COL4A4: variants seen among roughly 807,000 people sequenced by gnomAD.
COL4A4 encodes collagen alpha-4(IV) chain.
COL4A4 carries 105 observed loss-of-function variants against 192.9 expected under a neutral mutation model. That is an observed-to-expected ratio of 0.54 (90% CI 0.46 to 0.64). COL4A4 has a LOEUF of 0.64. Among genes scored for constraint, COL4A4 ranks in the 30% least tolerant of loss-of-function variants. COL4A4 has a pLI of 0.00. For synonymous variants in COL4A4, 762 were observed against 769.9 expected, an observed-to-expected ratio of 0.99 and a Z score of 0.17; for missense variants, 1,967 against 2,169.3, an observed-to-expected ratio of 0.91 and a Z score of 1.85.
chr2:227,049,225 C>G (rs1973528815), intron 34 of COL4A4, among the ~76,000 whole-genome samples: 1 of 152,184 alleles, frequency 6.6e-6, no homozygotes, highest in Non-Finnish European at 1.5e-5. Flanking sequence ...ATATCCTGCT[C>G]TTTGTTTGTT....
At chr2:227,056,657 G>A (rs1205212151) in intron 29 of COL4A4, among the ~76,000 whole-genome samples, 2 of 152,212 alleles carry the variant, frequency 1.3e-5, no homozygotes, top group Admixed American at 6.5e-5. Context: ...AATAGCCCCT[G>A]CTATGTTCTG....
At chr2:227,020,369 C>G (rs957452322) in intron 44 of COL4A4, among the ~76,000 whole-genome samples, 4 of 152,140 alleles carry the variant, frequency 2.6e-5, no homozygotes, top group Admixed American at 6.5e-5. Context: ...GCCCAATTCC[C>G]AGTTCTCACG....
At chr2:227,158,517 A>T (rs1462431099) in intron 1 of COL4A4, among the ~76,000 whole-genome samples, 1 of 152,132 alleles carries the variant, frequency 6.6e-6, no homozygotes. Flanking sequence ...TCTTAAAAAT[A>T]ATAAGAAAAT....
chr2:226,971,018 A>G, the COL4A4 span, among the ~76,000 whole-genome samples: 1 of 152,222 alleles, frequency 6.6e-6, no homozygotes, highest in African/African-American at 2.4e-5. Context: ...AGTTATAAAT[A>G]GTTGAGATGG....
chr2:227,098,026 A>G (rs889370934), intron 19 of COL4A4, among the ~76,000 whole-genome samples: 1 of 152,210 alleles, frequency 6.6e-6, no homozygotes, highest in African/African-American at 2.4e-5. Context: ...AAGGAGTTCA[A>G]AGTCCTTATG....
chr2:227,101,604 G>A, intron 16 of COL4A4, 47 bp from the exon 17 acceptor site: 7 of 1,526,940 alleles, frequency 4.6e-6, no homozygotes, highest in Non-Finnish European at 5.4e-6. Flanking sequence ...GTGACTGGGT[G>A]ACAAATTATC....
At chr2:227,125,530 A>G (rs927180067) in intron 4 of COL4A4, among the ~76,000 whole-genome samples, 2 of 146,978 alleles carry the variant, frequency 1.4e-5, no homozygotes. Context: ...CTTCGGGAGG[A>G]AAAAAAAAAA....
At chr2:227,112,725 C>G (rs1171042824) in intron 8 of COL4A4, among the ~76,000 whole-genome samples, 3 of 152,164 alleles carry the variant, frequency 2.0e-5, no homozygotes, top group Admixed American at 6.5e-5. Context: ...CACTAACTCC[C>G]CATCCCTCTT....
At chr2:227,160,682 TA>T (rs1283145497) in intron 1 of COL4A4, among the ~76,000 whole-genome samples, 1 of 152,218 alleles carries the variant, frequency 6.6e-6, no homozygotes, top group East Asian at 1.9e-4. Flanking sequence ...CTTGCTAGCA[TA>T]ATTTGCAATT....
intron 23 of COL4A4, among the ~76,000 whole-genome samples, 195 bp downstream of exon 23, chr2:227,081,920 T>A (rs1263397543): frequency 6.6e-6 from 1 of 152,176 alleles, no homozygotes; most frequent in Non-Finnish European, 1.5e-5. Flanking sequence ...AATATTTATG[T>A]TTTCAAATAA....
intron 41 of COL4A4, 129 bp downstream of exon 41, chr2:227,030,310 GGGAA>G (rs2149953929): frequency 1.0e-6 from 1 of 985,830 alleles, no homozygotes; most frequent in East Asian, 2.4e-5. Context: ...GGACTCTTTG[GGGAA>G]ATAAGGACAT....
chr2:227,019,163 C>T (rs1965502514), intron 44 of COL4A4, among the ~76,000 whole-genome samples: 1 of 152,178 alleles, frequency 6.6e-6, no homozygotes, highest in African/African-American at 2.4e-5. Flanking sequence ...GCTCTGCCAC[C>T]TTCCACATTC....
chr2:227,066,534 A>C lies in COL4A4; in HGVS notation c.1988-3936T>G, dbSNP rs1307641322. On this transcript the variant is annotated intron_variant, in intron 25 of 47. Transcript: ENST00000396625. The stretch of plus-strand genomic sequence containing the variant: ...GTGGATCTTTCGGCAGAAACTCTAC[A>C]AGCCAGAAGAGAGTGGGGGCCAATA... Among the ~76,000 whole-genome samples, 4 of 152,238 alleles carry C rather than the reference A, an allele frequency of 2.6e-5. No individual in the cohort carries two copies. The South Asian group carries it at 8.3e-4, about 32-fold the overall frequency.
At chr2:227,091,422 TAA>T (rs77137276) in intron 20 of COL4A4, among the ~76,000 whole-genome samples, 15 of 110,726 alleles carry the variant, frequency 1.4e-4, no homozygotes, top group East Asian at 5.3e-4. Flanking sequence ...GAGTAAAGGT[TAA>T]AAAAAAAAAA....
intron 45 of COL4A4, among the ~76,000 whole-genome samples, chr2:227,011,511 T>G (rs1274325285): frequency 6.6e-6 from 1 of 152,190 alleles, no homozygotes; most frequent in African/African-American, 2.4e-5. Flanking sequence ...CCTCATTCGT[T>G]TCTACTCACT....
chr2:227,146,495 T>A (rs1462440176), intron 2 of COL4A4, among the ~76,000 whole-genome samples: 1 of 152,160 alleles, frequency 6.6e-6, no homozygotes, highest in Non-Finnish European at 1.5e-5. Context: ...TCATTTTGAG[T>A]CTCGTTGAAC....
At chr2:227,109,417 A>G in intron 9 of COL4A4, 131 bp from the exon 10 acceptor site, 1 of 800,798 alleles carries the variant, frequency 1.2e-6, no homozygotes, top group Non-Finnish European at 2.2e-6. Context: ...CTGCCCTGCT[A>G]GGACATTTTC....
chr2:227,008,013 C>T lies in COL4A4; in HGVS notation c.4809+5G>A. 2 of 1,609,152 alleles carry T rather than the reference C, an allele frequency of 1.2e-6. No individual in the cohort carries two copies. Among genetic ancestry groups the T allele is most frequent in the Non-Finnish European group, 1.7e-6 (2 of 1,179,988 alleles). ...AGCCAGGGTTTTCAAGGGCACGGGACTCACCATCAGGAATGAATACCCGAT... is the reference window on the plus strand; with the variant it reads ...AGCCAGGGTTTTCAAGGGCACGGGATTCACCATCAGGAATGAATACCCGAT... On this transcript the variant is annotated splice_donor_5th_base_variant and intron_variant, in intron 47 of 47. Coordinates refer to ENST00000396625, the MANE Select transcript of COL4A4 (RefSeq NM_000092.5).
chr2:227,050,390 T>C (rs965306784), intron 33 of COL4A4, among the ~76,000 whole-genome samples: 2 of 152,216 alleles, frequency 1.3e-5, no homozygotes, highest in Non-Finnish European at 1.5e-5. Flanking sequence ...AGTAATTGTG[T>C]TACTAATTTG....
Sources: allele counts gnomAD v4.1 joint callset (sites outside exome capture counted in the v4.1 genomes callset), GRCh38; gene constraint gnomAD v4.1.1; transcripts MANE v1.5; gene names NCBI Gene and HGNC (gene_info 2026-07-23, HGNC 2026-07-21).